Variants in ZNF567 observed in about 807,000 individuals in gnomAD.
The protein encoded by ZNF567 is zinc finger protein 567.
A neutral mutation model predicts 53.9 loss-of-function variants in ZNF567; 36 were observed. The observed-to-expected ratio is 0.67, with a 90% CI of 0.51 to 0.88. The LOEUF (loss-of-function observed/expected upper bound fraction) is 0.88, where lower values mean the gene tolerates loss of function less well. ZNF567 is among the 40% of genes least tolerant of loss of function. The pLI is 0.00. For missense variants in ZNF567, 619 were observed against 764.7 expected, an observed-to-expected ratio of 0.81 and a Z score of 2.25; for synonymous variants, 224 against 260.4, an observed-to-expected ratio of 0.86 and a Z score of 1.35.
At chr19:36,688,165 G>A (rs2038361347) in intron 1 of ZNF567, among the ~76,000 whole-genome samples, 2 of 152,182 alleles carry the variant, frequency 1.3e-5, no homozygotes, top group Admixed American at 1.3e-4. Flanking sequence ...CATTGTGAGT[G>A]AAAGGTTGTT....
chr19:36,699,324 A>T (rs1019541990), intron 3 of ZNF567, among the ~76,000 whole-genome samples: 1 of 152,042 alleles, frequency 6.6e-6, no homozygotes, highest in African/African-American at 2.4e-5. Context: ...AGTTACTGTA[A>T]CCTTGTAGTA....
intron 3 of ZNF567, among the ~76,000 whole-genome samples, chr19:36,700,812 T>C (rs2039139892): frequency 6.6e-6 from 1 of 152,206 alleles, no homozygotes; most frequent in South Asian, 2.1e-4. Flanking sequence ...TTCTTTTCTC[T>C]TTTTTTCTTT....
Position 36,719,333 on chromosome 19 carries a change from G to A in ZNF567, c.609G>A (p.Thr203=), listed in dbSNP as rs772301322. The A allele has an allele frequency of 1.8e-5, 29 of 1,612,452 alleles. No individual in the cohort carries two copies. Among genetic ancestry groups the A allele is most frequent in the South Asian group, 4.4e-5 (4 of 90,640 alleles). ...AAGTTCTTATGCAGTATCAGAAAAC[G>A]GAAACTCCAGCACAGTCATTTGGAT... The part of the protein sequence containing the change: ...HNEVLMQYQK[T]ETPAQSFGYN... The change falls in exon 6 of 6, where the codon ACG becomes ACA. Residue 203 remains threonine, a synonymous_variant. Transcript: ENST00000682579.
chr19:36,699,208 A>G (rs151160614), intron 3 of ZNF567, among the ~76,000 whole-genome samples: 102,035 of 151,766 alleles, frequency 0.67, 34,633 homozygotes, highest in East Asian at 0.82. Context: ...TTTTTCTCAG[A>G]TTTGTCAAAG....
At chr19:36,715,227 C>G (rs2039982498) in intron 5 of ZNF567, among the ~76,000 whole-genome samples, 1 of 151,746 alleles carries the variant, frequency 6.6e-6, no homozygotes, top group Non-Finnish European at 1.5e-5. Flanking sequence ...GTGGTTCAGT[C>G]TCGGCTCACT....
At chr19:36,685,193 C>T (rs1036646631), upstream of ZNF567, among the ~76,000 whole-genome samples, 1 of 152,122 alleles carries the variant, frequency 6.6e-6, no homozygotes, top group African/African-American at 2.4e-5. Flanking sequence ...AAGGCTGAGG[C>T]AGGAGAATCC....
the ZNF567 span, among the ~76,000 whole-genome samples, chr19:36,677,520 A>G: frequency 6.8e-6 from 1 of 146,760 alleles, no homozygotes. Context: ...TAATCCCAGC[A>G]CTTTGGGAGG....
chr19:36,688,828 C>T (rs1275987628), intron 1 of ZNF567, among the ~76,000 whole-genome samples: 2 of 123,972 alleles, frequency 1.6e-5, no homozygotes, highest in East Asian at 2.5e-4. Flanking sequence ...AAAGATTGGG[C>T]CCATGCGCGG....
At chr19:36,702,119 G>A (rs940557825) in intron 3 of ZNF567, among the ~76,000 whole-genome samples, 2 of 151,944 alleles carry the variant, frequency 1.3e-5, no homozygotes, top group Admixed American at 1.3e-4. Flanking sequence ...GGCAGGCCTG[G>A]TGGTGACAAA....
rs532127382 is a variant in ZNF567 at position 36,704,096 on chromosome 19, A to T, written c.10-8290A>T. On this transcript the variant is annotated intron_variant, in intron 3 of 5. Transcript: ENST00000682579. ...ATTTCTTTTTTAAATGATTGAAGAC[A>T]TTCCAGTTTGCTGATAGTTTTTATC... 1.1e-4 allele frequency among the ~76,000 whole-genome samples: 17 copies of T among 152,312 alleles called. No individual in the cohort carries two copies. In the South Asian group the frequency reaches 1.4e-3, roughly 13 times the overall value.
At chr19:36,671,996 C>T in the ZNF567 span, among the ~76,000 whole-genome samples, 3 of 152,242 alleles carry the variant, frequency 2.0e-5, no homozygotes, top group Admixed American at 6.5e-5. Context: ...AGCCTGCACT[C>T]GTGGCCTCAT....
chr19:36,723,364 C>G (rs2040320082), downstream of ZNF567: 2 of 646,384 alleles, frequency 3.1e-6, no homozygotes, highest in Non-Finnish European at 5.6e-6. Flanking sequence ...CATGTGCTGC[C>G]CTGTCTCCTG....
At chr19:36,669,455 C>A in the ZNF567 span, 2 of 152,136 alleles carry the variant, frequency 1.3e-5, no homozygotes, top group Non-Finnish European at 2.9e-5. Flanking sequence ...GTATCTGGGA[C>A]CCATGGATAC....
At chr19:36,713,030 T>A (rs1276501984) in intron 5 of ZNF567, among the ~76,000 whole-genome samples, 163 bp downstream of exon 5, 1 of 152,164 alleles carries the variant, frequency 6.6e-6, no homozygotes, top group Non-Finnish European at 1.5e-5. Context: ...ACCTTTAGGC[T>A]AGGTATGGTG....
At chr19:36,717,741 T>G (rs1264185278) in intron 5 of ZNF567, among the ~76,000 whole-genome samples, 1 of 152,080 alleles carries the variant, frequency 6.6e-6, no homozygotes, top group African/African-American at 2.4e-5. Context: ...ATAAGAGAAA[T>G]GAAGGTTAAA....
At chr19:36,713,387 G>A (rs1488385622) in intron 5 of ZNF567, among the ~76,000 whole-genome samples, 1 of 151,766 alleles carries the variant, frequency 6.6e-6, no homozygotes, top group Non-Finnish European at 1.5e-5. Flanking sequence ...AGCCCAGGAA[G>A]TCAAGTCTGT....
At chr19:36,713,321 G>T (rs1458903657) in intron 5 of ZNF567, among the ~76,000 whole-genome samples, 1 of 152,118 alleles carries the variant, frequency 6.6e-6, no homozygotes, top group East Asian at 1.9e-4. Flanking sequence ...GCTGGGCATG[G>T]TGGTGTGCAC....
chr19:36,697,410 T>C (rs2038940190), intron 3 of ZNF567, among the ~76,000 whole-genome samples: 1 of 152,096 alleles, frequency 6.6e-6, no homozygotes, highest in Non-Finnish European at 1.5e-5. Context: ...AATCCTGTCA[T>C]ATGTGAATAA....
At chr19:36,709,256 A>G (rs2039651504) in intron 3 of ZNF567, among the ~76,000 whole-genome samples, 1 of 152,220 alleles carries the variant, frequency 6.6e-6, no homozygotes, top group South Asian at 2.1e-4. Flanking sequence ...GTCCATAACT[A>G]AGTTTTATTG....
Sources: allele counts gnomAD v4.1 joint callset (sites outside exome capture counted in the v4.1 genomes callset), GRCh38; gene constraint gnomAD v4.1.1; transcripts MANE v1.5; gene names NCBI Gene and HGNC (gene_info 2026-07-23, HGNC 2026-07-21).